RBFOX1: variants seen among roughly 807,000 people sequenced by gnomAD.
The protein encoded by RBFOX1 is RNA binding fox-1 homolog 1, also known as RNA binding protein fox-1 homolog 1.
In RBFOX1, 8 loss-of-function variants were observed where a neutral mutation model predicts 57.7. That is an observed-to-expected ratio of 0.14 (90% CI 0.08 to 0.25). RBFOX1 has a LOEUF of 0.25. Among genes scored for constraint, RBFOX1 ranks in the 10% least tolerant of loss-of-function variants. The pLI is 1.00. For missense variants in RBFOX1, 611 were observed against 548.5 expected, an observed-to-expected ratio of 1.11 and a Z score of -1.14; for synonymous variants, 326 against 222.4, an observed-to-expected ratio of 1.47 and a Z score of -4.15.
At chr16:5,906,930 T>A (rs956061196) in intron 4 of RBFOX1, among the ~76,000 whole-genome samples, 2 of 151,588 alleles carry the variant, frequency 1.3e-5, no homozygotes, top group African/African-American at 4.9e-5. Flanking sequence ...AGAGACAGGG[T>A]TTCAACATGT....
intron 2 of RBFOX1, among the ~76,000 whole-genome samples, chr16:5,575,410 T>C: frequency 6.6e-6 from 1 of 152,208 alleles, no homozygotes. Context: ...GTGATCATCC[T>C]AACAGCTCTA....
At chr16:6,375,248 C>T (rs2091011539) in intron 2 of RBFOX1, among the ~76,000 whole-genome samples, 2 of 151,938 alleles carry the variant, frequency 1.3e-5, no homozygotes, top group Non-Finnish European at 2.9e-5. Flanking sequence ...CCATGTCATT[C>T]TCTGATGTCT....
rs868295485 is a variant in RBFOX1, at chr16:6,944,144, C to T, written c.-15-107913C>T. ...AGGCACAGTGGCTCTTGCCTGTAAT[C>T]CCAGCATTTTGGGAGGCTGAGGTGG... On this transcript the variant is annotated intron_variant, in intron 3 of 15. Transcript: ENST00000550418. Among the ~76,000 whole-genome samples the T allele has an allele frequency of 9.2e-5, 14 of 151,944 alleles. No homozygotes were observed. In the South Asian group the frequency reaches 1.3e-3, roughly 14 times the overall value.
intron 3 of RBFOX1, among the ~76,000 whole-genome samples, chr16:7,002,911 G>C (rs2153636819): frequency 6.6e-6 from 1 of 152,154 alleles, no homozygotes; most frequent in Middle Eastern, 3.4e-3. Context: ...AATAACACAA[G>C]ACAGAAACTT....
At chr16:7,003,540 A>C (rs2093025570) in intron 3 of RBFOX1, among the ~76,000 whole-genome samples, 1 of 152,108 alleles carries the variant, frequency 6.6e-6, no homozygotes, top group Non-Finnish European at 1.5e-5. Context: ...ATGCATATTT[A>C]CACCCTTTAA....
chr16:5,873,080 G>C, intron 4 of RBFOX1, among the ~76,000 whole-genome samples: 1 of 152,190 alleles, frequency 6.6e-6, no homozygotes, highest in Non-Finnish European at 1.5e-5. Flanking sequence ...AACCCAGGAG[G>C]CAGAGGTTGC....
intron 3 of RBFOX1, among the ~76,000 whole-genome samples, chr16:5,699,669 C>CTA (rs1170867582): frequency 6.6e-6 from 1 of 152,094 alleles, no homozygotes; most frequent in African/African-American, 2.4e-5. Flanking sequence ...CTACTGGGAT[C>CTA]TAGAGGATAG....
At chr16:6,743,912 A>G (rs571583848) in intron 3 of RBFOX1, among the ~76,000 whole-genome samples, 2 of 150,932 alleles carry the variant, frequency 1.3e-5, no homozygotes, top group South Asian at 2.1e-4. Context: ...TTCATCTATG[A>G]TATATACAGT....
At chr16:7,141,145 T>G (rs2073666967) in intron 4 of RBFOX1, among the ~76,000 whole-genome samples, 2 of 152,236 alleles carry the variant, frequency 1.3e-5, no homozygotes, top group South Asian at 4.1e-4. Context: ...CAGGATGATG[T>G]GTCTAGACTT....
intron 1 of RBFOX1, among the ~76,000 whole-genome samples, chr16:5,376,424 G>T (rs1156830409): frequency 6.6e-6 from 1 of 152,134 alleles, no homozygotes; most frequent in African/African-American, 2.4e-5. Flanking sequence ...AGAGAAAGGT[G>T]TATAGGGGAA....
At chr16:7,334,670 T>A (rs2096753730) in intron 4 of RBFOX1, among the ~76,000 whole-genome samples, 1 of 152,184 alleles carries the variant, frequency 6.6e-6, no homozygotes, top group Non-Finnish European at 1.5e-5. Context: ...GGGAATTAAA[T>A]AACTATCGAT....
chr16:7,276,053 A>G (rs1235443968), intron 4 of RBFOX1, among the ~76,000 whole-genome samples: 1 of 152,244 alleles, frequency 6.6e-6, no homozygotes, highest in Non-Finnish European at 1.5e-5. Flanking sequence ...CTGATTGAAA[A>G]GGCAATAAAG....
chr16:7,280,049 G>T (rs370646935), intron 4 of RBFOX1, among the ~76,000 whole-genome samples: 2 of 152,208 alleles, frequency 1.3e-5, no homozygotes, highest in African/African-American at 4.8e-5. Context: ...TTCCCGCTGC[G>T]ATTGGATCTG....
intron 4 of RBFOX1, among the ~76,000 whole-genome samples, chr16:7,240,875 T>A (rs1045144656): frequency 5.3e-5 from 8 of 152,198 alleles, no homozygotes; most frequent in African/African-American, 1.9e-4. Flanking sequence ...TGGCAAAATA[T>A]TGTTTTTTGA....
chr16:7,575,355 G>A (rs1255846072), intron 5 of RBFOX1, among the ~76,000 whole-genome samples: 1 of 152,072 alleles, frequency 6.6e-6, no homozygotes, highest in African/African-American at 2.4e-5. Flanking sequence ...GGCTGGTCTT[G>A]AACTCCTTAC....
intron 3 of RBFOX1, among the ~76,000 whole-genome samples, chr16:6,861,502 A>T (rs1273288381): frequency 7.4e-6 from 1 of 134,496 alleles, no homozygotes; most frequent in Non-Finnish European, 1.6e-5. Context: ...CCCCGACTCA[A>T]TTACAAGAAT....
rs375749693 is a variant in RBFOX1 at position 7,301,619 on chromosome 16, A to G, written c.28-216528A>G. 7.2e-5 allele frequency among the ~76,000 whole-genome samples: 11 copies of G among 152,242 alleles called. 1 individual carries two copies. The highest frequency in any genetic ancestry group is 5.9e-4 in the Admixed American group (9 of 15,300). ...ACATAATGTATTTGTTTTTCATTAA[A>G]CCGTTCAGATAAAGTCTTATTAAAG... is the stretch of plus-strand genomic sequence containing the variant. On this transcript the variant is annotated intron_variant, in intron 4 of 15. Coordinates refer to ENST00000550418, the MANE Select transcript of RBFOX1 (RefSeq NM_018723.4).
At position 6,624,613 on chromosome 16, in the gene RBFOX1, G is replaced by T. The variant is rs114682290; in HGVS notation, c.-63-29990G>T. On this transcript the variant is annotated intron_variant, in intron 2 of 15. Transcript: ENST00000550418. ...AGACTGTACCCTAAAAGTAGCCACA[G>T]TGCAGCTGTGTTTTATATGAAAACA... is the stretch of plus-strand genomic sequence containing the variant. Among the ~76,000 whole-genome samples, 545 of 152,254 alleles carry T rather than the reference G, an allele frequency of 3.6e-3. 5 individuals carry two copies. Among genetic ancestry groups the T allele is most frequent in the African/African-American group, 0.012 (517 of 41,554 alleles).
chr16:7,477,115 C>G (rs1333121364), intron 4 of RBFOX1, among the ~76,000 whole-genome samples: 5 of 152,096 alleles, frequency 3.3e-5, no homozygotes, highest in African/African-American at 9.7e-5. Flanking sequence ...TTTCTCACTA[C>G]TTTTTGTTGT....
Sources: allele counts gnomAD v4.1 joint callset (sites outside exome capture counted in the v4.1 genomes callset), GRCh38; gene constraint gnomAD v4.1.1; transcripts MANE v1.5; gene names NCBI Gene and HGNC (gene_info 2026-07-23, HGNC 2026-07-21).